UBAC2: variants seen among roughly 807,000 people sequenced by gnomAD.
UBAC2 encodes UBA domain containing 2, also known as ubiquitin-associated domain-containing protein 2.
In UBAC2, 26 loss-of-function variants were observed where a neutral mutation model predicts 44.0. The ratio of observed to expected loss-of-function variants is 0.59; its 90% confidence interval spans 0.43 to 0.82. The LOEUF (loss-of-function observed/expected upper bound fraction) is 0.82. Ranked by LOEUF, UBAC2 falls within the 40% of genes least tolerant of loss-of-function variation. The pLI is 0.00. For synonymous variants in UBAC2, 155 were observed against 154.3 expected (o/e 1.00, Z -0.04); for missense variants, 329 against 419.4 (o/e 0.78, Z 1.88).
Position 99,224,388 on chromosome 13 carries a change from G to A in UBAC2, c.32-14039G>A, listed in dbSNP as rs377107627. On this transcript the variant is annotated intron_variant, in intron 1 of 8. Transcript: ENST00000403766. Reference sequence around the variant, plus strand: ...TAGAGCTTCAACATACAAATTTTAGGAGGAAACGTTCAGTCCATAACAGTG... The same window carrying A: ...TAGAGCTTCAACATACAAATTTTAGAAGGAAACGTTCAGTCCATAACAGTG... Among the ~76,000 whole-genome samples, 214 of 152,212 alleles carry A rather than the reference G, an allele frequency of 1.4e-3. 2 individuals carry two copies. Among genetic ancestry groups the A allele is most frequent in the African/African-American group, 5.0e-3 (207 of 41,528 alleles).
chr13:99,231,362 A>G (rs945333522), intron 1 of UBAC2: 1 of 144,812 alleles, frequency 6.9e-6, no homozygotes, highest in Non-Finnish European at 1.5e-5. Flanking sequence ...TTTGATTCAC[A>G]TTTCACTTCC....
At chr13:99,349,513 T>C (rs1408137074) in intron 7 of UBAC2, among the ~76,000 whole-genome samples, 1 of 152,152 alleles carries the variant, frequency 6.6e-6, no homozygotes, top group Non-Finnish European at 1.5e-5. Context: ...TGCGCTGATA[T>C]TTATTGCATA....
intron 4 of UBAC2, among the ~76,000 whole-genome samples, chr13:99,277,806 C>T (rs1306577612): frequency 6.7e-6 from 1 of 150,094 alleles, no homozygotes; most frequent in Non-Finnish European, 1.5e-5. Context: ...GCCCCATCCC[C>T]TCTGTCACCA....
At chr13:99,265,942 A>G (rs2043738139) in intron 4 of UBAC2, among the ~76,000 whole-genome samples, 2 of 152,076 alleles carry the variant, frequency 1.3e-5, no homozygotes, top group African/African-American at 4.8e-5. Flanking sequence ...ATGTAGGAGT[A>G]CTCACACAGT....
At chr13:99,233,393 G>A (rs2043198046) in intron 1 of UBAC2, among the ~76,000 whole-genome samples, 1 of 152,176 alleles carries the variant, frequency 6.6e-6, no homozygotes, top group Non-Finnish European at 1.5e-5. Context: ...TTATAGGCAT[G>A]AGCCACTGCA....
chr13:99,286,475 C>CT (rs1056447529), intron 4 of UBAC2, among the ~76,000 whole-genome samples: 2 of 151,770 alleles, frequency 1.3e-5, no homozygotes, highest in African/African-American at 4.8e-5. Context: ...ATTAGGACTT[C>CT]TTTTTTTTAA....
chr13:99,367,865 T>C lies in UBAC2; in HGVS notation c.886T>C (p.Ser296Pro). 6.2e-7 allele frequency: 1 copy of C among 1,613,972 alleles called. No homozygotes were observed. The highest frequency in any genetic ancestry group is 8.5e-7 in the Non-Finnish European group (1 of 1,179,860). ...CGTAAACTATCAGGGCGGTCGGCAG[T>C]CTGAGCCAGCAGCGCCCCCTCTAGA... ...QNVNYQGGRQ[S>P]EPAAPPLEVS... Residue 296 changes from serine to proline, a missense_variant, in exon 8 of 9, where the codon TCT (serine) becomes CCT (proline). By Grantham distance (74) the Ser-to-Pro change is moderately conservative. Transcript: ENST00000403766.
chr13:99,243,839 G>C lies in UBAC2; in HGVS notation c.167G>C (p.Arg56Thr). The part of the protein sequence containing the change: ...HAVKNDFQIW[R>T]LICGRIICLD... ...TTTTAAATCCCCATCTAGATTTGGA[G>C]GTTGATATGTGGAAGAATAATTTGC... Residue 56 changes from arginine (R) to threonine (T), a missense_variant, in exon 3 of 9, where the codon AGG becomes ACG. Coordinates refer to ENST00000403766, the MANE Select transcript of UBAC2 (RefSeq NM_001144072.2). 6.4e-7 allele frequency: 1 copy of C among 1,570,126 alleles called. No individual in the cohort carries two copies. The highest frequency in any genetic ancestry group is 8.6e-7 in the Non-Finnish European group (1 of 1,156,828).
chr13:99,298,924 A>T, intron 4 of UBAC2, among the ~76,000 whole-genome samples: 1 of 152,164 alleles, frequency 6.6e-6, no homozygotes. Flanking sequence ...ATTTTTTTCT[A>T]AGTTCTTTGA....
chr13:99,292,648 A>G (rs2044106668), intron 4 of UBAC2, among the ~76,000 whole-genome samples: 1 of 150,710 alleles, frequency 6.6e-6, no homozygotes, highest in South Asian at 2.1e-4. Flanking sequence ...ACACTATTCT[A>G]TTTTTACTAT....
chr13:99,298,894 T>G (rs1389534215), intron 4 of UBAC2, among the ~76,000 whole-genome samples: 1 of 152,200 alleles, frequency 6.6e-6, no homozygotes, highest in Non-Finnish European at 1.5e-5. Flanking sequence ...TTAATATTTT[T>G]CTAAGTTCTT....
intron 2 of UBAC2, among the ~76,000 whole-genome samples, chr13:99,241,264 C>CA (rs35336464): frequency 0.035 from 3,988 of 114,712 alleles, 196 homozygotes; most frequent in African/African-American, 0.12. Context: ...GACCCTGTCT[C>CA]AAAAAAAAAA....
chr13:99,294,098 T>A (rs1269048007), intron 4 of UBAC2, among the ~76,000 whole-genome samples: 1 of 152,144 alleles, frequency 6.6e-6, no homozygotes, highest in Non-Finnish European at 1.5e-5. Flanking sequence ...ATTTTGTAAG[T>A]TTGCATTTTA....
intron 4 of UBAC2, among the ~76,000 whole-genome samples, chr13:99,290,741 A>AAAAG (rs1278388442): frequency 1.3e-5 from 2 of 151,678 alleles, no homozygotes; most frequent in African/African-American, 2.4e-5. Context: ...AAAAAAAAAA[A>AAAAG]AAAGAAAGAA....
chr13:99,364,096 A>G (rs2045300181), intron 7 of UBAC2, among the ~76,000 whole-genome samples: 1 of 152,040 alleles, frequency 6.6e-6, no homozygotes, highest in Non-Finnish European at 1.5e-5. Context: ...TCATTTGAAT[A>G]ATGAGTTTTG....
At chr13:99,345,219 T>C (rs948210707) in intron 7 of UBAC2, among the ~76,000 whole-genome samples, 22 of 152,136 alleles carry the variant, frequency 1.4e-4, no homozygotes, top group African/African-American at 5.3e-4. Flanking sequence ...GGAAATGATA[T>C]AGTAACTGAT....
chr13:99,242,909 G>A (rs1350507616), intron 2 of UBAC2, among the ~76,000 whole-genome samples: 2 of 149,908 alleles, frequency 1.3e-5, no homozygotes, highest in African/African-American at 4.9e-5. Context: ...CATCTCAGAC[G>A]ATGGGCGGCC....
rs2043020727 is a variant in UBAC2, at chr13:99,218,448, G to T, written c.31+17509G>T. 2.0e-5 allele frequency among the ~76,000 whole-genome samples: 3 copies of T among 151,492 alleles called. No homozygotes were observed. In the South Asian group the frequency reaches 6.3e-4, roughly 32 times the overall value. ...ACACTGTTTAAGTATTTTAGATGTG[G>T]AGCACATTTTTTGTATCTAGAGGGT... is the stretch of plus-strand genomic sequence containing the variant. On this transcript the variant is annotated intron_variant, in intron 1 of 8. Transcript: ENST00000403766.
At chr13:99,245,793 C>T (rs1408851574) in intron 4 of UBAC2, among the ~76,000 whole-genome samples, 1 of 152,138 alleles carries the variant, frequency 6.6e-6, no homozygotes, top group Non-Finnish European at 1.5e-5. Flanking sequence ...GGAGATCGCT[C>T]CACTGCACTT....
Sources: allele counts gnomAD v4.1 joint callset (sites outside exome capture counted in the v4.1 genomes callset), GRCh38; gene constraint gnomAD v4.1.1; transcripts MANE v1.5; gene names NCBI Gene and HGNC (gene_info 2026-07-23, HGNC 2026-07-21).